The following RASSF3 variants were observed in gnomAD, a reference collection of about 807,000 sequenced individuals.
RASSF3 encodes Ras association domain family member 3, also known as ras association domain-containing protein 3.
Under a neutral mutation model 19.9 loss-of-function variants are expected in RASSF3, and 19 were observed. That is an observed-to-expected ratio of 0.96 (90% CI 0.67 to 1.40). The LOEUF (loss-of-function observed/expected upper bound fraction) is 1.40, where lower values mean the gene tolerates loss of function less well. RASSF3 is among the 40% of genes most tolerant of loss of function. RASSF3 has a pLI of 0.00. For missense variants in RASSF3, 306 were observed against 289.8 expected (o/e 1.06, Z -0.41); for synonymous variants, 110 against 104.2 (o/e 1.06, Z -0.34).
At chr12:64,620,328 T>A (rs1010163339) in intron 1 of RASSF3, among the ~76,000 whole-genome samples, 1 of 152,188 alleles carries the variant, frequency 6.6e-6, no homozygotes, top group Admixed American at 6.6e-5. Flanking sequence ...TCACTTTTTG[T>A]TTATCCATTG....
intron 2 of RASSF3, among the ~76,000 whole-genome samples, chr12:64,568,693 TA>T (rs1869471606): frequency 6.6e-6 from 1 of 151,062 alleles, no homozygotes; most frequent in Non-Finnish European, 1.5e-5. Flanking sequence ...CCCTAAGGTG[TA>T]ATAAGCCTTT....
intron 1 of RASSF3, among the ~76,000 whole-genome samples, chr12:64,666,127 C>T (rs1411986389): frequency 1.3e-5 from 2 of 152,182 alleles, no homozygotes; most frequent in African/African-American, 4.8e-5. Flanking sequence ...TAATTTATTG[C>T]CTATTGCTCA....
At chr12:64,617,453 C>T (rs1377011753) in intron 1 of RASSF3, among the ~76,000 whole-genome samples, 2 of 152,196 alleles carry the variant, frequency 1.3e-5, no homozygotes, top group African/African-American at 2.4e-5. Context: ...GAAAATATCT[C>T]TCTAATTTTT....
intron 3 of RASSF3, among the ~76,000 whole-genome samples, chr12:64,690,274 T>G (rs112331144): frequency 6.6e-6 from 1 of 151,618 alleles, no homozygotes; most frequent in East Asian, 2.0e-4. Flanking sequence ...CTCCGCCTCC[T>G]GGGTTCCAGT....
At chr12:64,604,898 T>C (rs1870161585) in intron 2 of RASSF3, among the ~76,000 whole-genome samples, 1 of 152,190 alleles carries the variant, frequency 6.6e-6, no homozygotes, top group South Asian at 2.1e-4. Flanking sequence ...GTGCCGGGAT[T>C]ACAGGCGTGA....
Position 64,610,549 on chromosome 12 carries a change from C to CCT in RASSF3, c.-82_-81dup, listed in dbSNP as rs1870308375. 1 of 590,676 alleles carries CCT rather than the reference C, an allele frequency of 1.7e-6. No individual in the cohort carries two copies. The highest frequency in any genetic ancestry group is 6.6e-5 in the South Asian group (1 of 15,230). 36.6% of individuals were successfully genotyped at this position (590,676 alleles called of 1,614,324 possible). ...ACTGCCCGGGGCTGCGCGCCGGGAACCTCGCGGGGCTGGCGGGCGCCGCAC... is the reference window on the plus strand; with the variant it reads ...ACTGCCCGGGGCTGCGCGCCGGGAACCTCTCGCGGGGCTGGCGGGCGCCGCAC... On this transcript the variant is annotated 5_prime_UTR_variant, in exon 1 of 5. Coordinates refer to ENST00000542104, the MANE Select transcript of RASSF3 (RefSeq NM_178169.4).
chr12:64,532,561 GTC>G (rs1423331727), upstream of RASSF3, among the ~76,000 whole-genome samples: 2 of 151,956 alleles, frequency 1.3e-5, no homozygotes, highest in Admixed American at 6.6e-5. Flanking sequence ...GGTGGCTTAT[GTC>G]TGTAATTCCA....
chr12:64,579,346 C>CT (rs1265939630), intron 2 of RASSF3, among the ~76,000 whole-genome samples: 55,538 of 116,874 alleles, frequency 0.48, 14,910 homozygotes, highest in Non-Finnish European at 0.56. Flanking sequence ...TAGCCAAGTT[C>CT]TTTTTTTTTT....
At chr12:64,584,879 C>CT (rs34522445) in intron 2 of RASSF3, among the ~76,000 whole-genome samples, 15,379 of 80,394 alleles carry the variant, frequency 0.19, 2,351 homozygotes, top group South Asian at 0.42. Flanking sequence ...CAGAAGGATT[C>CT]TTTTTTTTTT....
intron 2 of RASSF3, among the ~76,000 whole-genome samples, chr12:64,553,988 A>AG: frequency 6.6e-6 from 1 of 151,878 alleles, no homozygotes; most frequent in East Asian, 1.9e-4. Context: ...AAAAAAAAAA[A>AG]AAAAAGAAAG....
At chr12:64,520,555 C>CACATATATATATAT (rs1435123674) in intron 1 of RASSF3, among the ~76,000 whole-genome samples, 149 of 86,126 alleles carry the variant, frequency 1.7e-3, no homozygotes, top group South Asian at 2.5e-3. Flanking sequence ...CACATACACA[C>CACATATATATATAT]ATATATATAT....
intron 2 of RASSF3, among the ~76,000 whole-genome samples, chr12:64,558,446 G>C (rs989462786): frequency 6.6e-6 from 1 of 152,152 alleles, no homozygotes; most frequent in Non-Finnish European, 1.5e-5. Context: ...CCAGCCACAT[G>C]CCTCTATTCC....
intron 1 of RASSF3, among the ~76,000 whole-genome samples, chr12:64,536,551 CATA>C (rs1231970396): frequency 6.6e-6 from 1 of 151,990 alleles, no homozygotes; most frequent in East Asian, 1.9e-4. Flanking sequence ...TAAATAATAA[CATA>C]ATAACTTTAT....
At chr12:64,543,443 T>C (rs1455381055), downstream of RASSF3, among the ~76,000 whole-genome samples, 41 of 2,860 alleles carry the variant, frequency 0.014, 1 homozygote, top group African/African-American at 0.029. Context: ...GCCCCCCCCG[T>C]GCCCGCCCGC....
intron 1 of RASSF3, among the ~76,000 whole-genome samples, chr12:64,647,257 TA>T (rs1210320625): frequency 3.3e-5 from 5 of 150,602 alleles, no homozygotes; most frequent in African/African-American, 5.0e-5. Flanking sequence ...TTATTTATTT[TA>T]TTTTTTTTAA....
At position 64,684,013 on chromosome 12, in the gene RASSF3, A is replaced by T. The variant is rs7960538; in HGVS notation, c.112-774A>T. On this transcript the variant is annotated intron_variant, in intron 1 of 4. Transcript: ENST00000542104. ...AGGAGAGAGAGAGAGAGAGAGAGTGAGTGTGTGTGTGTGTGTGTGTGTGTT... is the reference window on the plus strand; with the variant it reads ...AGGAGAGAGAGAGAGAGAGAGAGTGTGTGTGTGTGTGTGTGTGTGTGTGTT... Among the ~76,000 whole-genome samples, 416 of 138,410 alleles carry T rather than the reference A, an allele frequency of 3.0e-3. 2 individuals are homozygous for T. Among genetic ancestry groups the T allele is most frequent in the Admixed American group, 3.5e-3 (49 of 13,908 alleles). 90.8% of individuals were successfully genotyped at this position (138,410 alleles called of 152,430 possible).
At position 64,615,295 on chromosome 12, in the gene RASSF3, C is replaced by A. The variant is rs192346841; in HGVS notation, c.111+4552C>A. Among the ~76,000 whole-genome samples, 194 of 152,278 alleles carry A rather than the reference C, an allele frequency of 1.3e-3. 2 individuals carry two copies. The highest frequency in any genetic ancestry group is 5.5e-3 in the Admixed American group (84 of 15,302). On this transcript the variant is annotated intron_variant, in intron 1 of 4. Transcript: ENST00000542104. ...ACCTCTTAGCTAAGCTACCTCTCCTCCTGAGCCTTTGGTAGTTCATGGGAA... is the reference window on the plus strand; with the variant it reads ...ACCTCTTAGCTAAGCTACCTCTCCTACTGAGCCTTTGGTAGTTCATGGGAA...
intron 1 of RASSF3, among the ~76,000 whole-genome samples, chr12:64,631,943 T>A (rs935319229): frequency 6.6e-6 from 1 of 152,018 alleles, no homozygotes; most frequent in Non-Finnish European, 1.5e-5. Flanking sequence ...GGAGTGAGGA[T>A]CATTGAAAGA....
chr12:64,668,701 A>G (rs35674528), intron 1 of RASSF3, among the ~76,000 whole-genome samples: 15,263 of 105,650 alleles, frequency 0.14, 918 homozygotes, highest in East Asian at 0.33. Flanking sequence ...TTTTTTTTTG[A>G]AACGGAGTCT....
Sources: allele counts gnomAD v4.1 joint callset (sites outside exome capture counted in the v4.1 genomes callset), GRCh38; gene constraint gnomAD v4.1.1; transcripts MANE v1.5; gene names NCBI Gene and HGNC (gene_info 2026-07-23, HGNC 2026-07-21).